Variants in IL21R observed in about 807,000 individuals in gnomAD.
IL21R encodes interleukin 21 receptor, also known as interleukin-21 receptor.
A neutral mutation model predicts 41.3 loss-of-function variants in IL21R; 14 were observed. That is an observed-to-expected ratio of 0.34 (90% CI 0.22 to 0.53). The LOEUF is 0.53. IL21R is among the 20% of genes least tolerant of loss of function. The pLI is 0.94. For missense variants in IL21R, 588 were observed against 681.6 expected, an observed-to-expected ratio of 0.86 and a Z score of 1.53; for synonymous variants, 286 against 287.6, an observed-to-expected ratio of 0.99 and a Z score of 0.05.
chr16:27,420,886 A>C (rs1261667738), intron 1 of IL21R, among the ~76,000 whole-genome samples: 1 of 152,044 alleles, frequency 6.6e-6, no homozygotes, highest in Non-Finnish European at 1.5e-5. Context: ...TTATTGTCTC[A>C]TACAAGGTCA....
At chr16:27,427,259 TAG>T (rs1451915437) in intron 1 of IL21R, 6 of 984,718 alleles carry the variant, frequency 6.1e-6, no homozygotes, top group Non-Finnish European at 7.2e-6. Context: ...GGCAAACCAC[TAG>T]AGGCAGCTCA....
chr16:27,433,758 C>T (rs1216512881), intron 2 of IL21R, among the ~76,000 whole-genome samples: 1 of 152,150 alleles, frequency 6.6e-6, no homozygotes, highest in Non-Finnish European at 1.5e-5. Context: ...GACCTTTATG[C>T]AAAAGTGTCC....
chr16:27,414,530 G>A (rs751597747), intron 1 of IL21R, among the ~76,000 whole-genome samples: 57 of 151,922 alleles, frequency 3.8e-4, no homozygotes, highest in Admixed American at 7.2e-4. Context: ...TCAAGTTTTG[G>A]TATTAAGACT....
chr16:27,443,009 TATA>T lies in IL21R; in HGVS notation c.404_406del (p.Asn135del). Reference sequence around the variant, plus strand: ...CGTGACTGTGACCTTCTCAGGACAGTATAATATCTCCTGGCGCTCAGATTACGA... The same window carrying T: ...CGTGACTGTGACCTTCTCAGGACAGTATATCTCCTGGCGCTCAGATTACGA... On this transcript the variant is annotated inframe_deletion, in exon 5 of 9. Transcript: ENST00000337929. 1 of 1,613,792 alleles carries T rather than the reference TATA, an allele frequency of 6.2e-7. No individual in the cohort carries two copies. Among genetic ancestry groups the T allele is most frequent in the South Asian group, 1.1e-5 (1 of 91,040 alleles).
intron 8 of IL21R, chr16:27,448,319 G>A (rs972089185): frequency 1.3e-5 from 7 of 540,866 alleles, no homozygotes; most frequent in Non-Finnish European, 1.9e-5. Context: ...GCCGGGTGTG[G>A]TGACAGGCGC....
intron 1 of IL21R, among the ~76,000 whole-genome samples, chr16:27,411,549 G>A (rs551291311): frequency 5.0e-4 from 65 of 130,702 alleles, no homozygotes; most frequent in Non-Finnish European, 9.2e-4. Context: ...TGCAACCTCC[G>A]CCTCCCAGGT....
chr16:27,418,728 A>G (rs2086947421), intron 1 of IL21R, among the ~76,000 whole-genome samples: 1 of 152,164 alleles, frequency 6.6e-6, no homozygotes, highest in Admixed American at 6.6e-5. Context: ...ACACTTTTGT[A>G]ATAACAGTTA....
intron 1 of IL21R, among the ~76,000 whole-genome samples, chr16:27,408,836 G>A (rs967828456): frequency 3.3e-5 from 5 of 152,080 alleles, no homozygotes; most frequent in Non-Finnish European, 5.9e-5. Context: ...GAGAATGGCC[G>A]ACTTGAGGAA....
At chr16:27,441,046 CAAAAAAAAAAA>C (rs35321284) in intron 4 of IL21R, among the ~76,000 whole-genome samples, 3 of 68,380 alleles carry the variant, frequency 4.4e-5, no homozygotes, top group East Asian at 1.5e-3. Context: ...GATTCTGTCT[CAAAAAAAAAAA>C]AAAAAAAAAG....
At chr16:27,427,251 C>A in intron 1 of IL21R, 2 of 983,188 alleles carry the variant, frequency 2.0e-6, no homozygotes, top group African/African-American at 1.7e-5. Flanking sequence ...CAGCCTCAGG[C>A]AAACCACTAG....
rs1156790786 is a variant in IL21R at position 27,450,205 on chromosome 16, C to T, written c.*922C>T. On this transcript the variant is annotated 3_prime_UTR_variant, in exon 9 of 9. Coordinates refer to ENST00000337929, the MANE Select transcript of IL21R (RefSeq NM_181078.3). ...TTCCAGGCTTAAAATCAGTCCGTTTCGTCTCTTGGAAACAGCTCCCCACCA... is the reference window on the plus strand; with the variant it reads ...TTCCAGGCTTAAAATCAGTCCGTTTTGTCTCTTGGAAACAGCTCCCCACCA... 1.3e-5 allele frequency: 3 copies of T among 232,858 alleles called. No individual in the cohort carries two copies. The highest frequency in any genetic ancestry group is 1.8e-4 in the South Asian group (1 of 5,532). The allele number at this position is 232,858 out of a possible 1,614,324, so 14.4% of individuals were successfully genotyped here. A position where few individuals can be genotyped will look rare whatever the true frequency, so the allele number is the denominator to read the frequency against.
At chr16:27,430,236 G>A in intron 2 of IL21R, 116 bp downstream of exon 2, 1 of 844,424 alleles carries the variant, frequency 1.2e-6, no homozygotes, top group Non-Finnish European at 1.9e-6. Flanking sequence ...ATTCAGAAAA[G>A]ATGACATCCA....
At chr16:27,425,776 G>T (rs1006146280) in intron 1 of IL21R, among the ~76,000 whole-genome samples, 3 of 152,066 alleles carry the variant, frequency 2.0e-5, no homozygotes, top group Admixed American at 2.0e-4. Flanking sequence ...GGCTGGTCTC[G>T]AACTCCTGAC....
intron 2 of IL21R, among the ~76,000 whole-genome samples, chr16:27,431,073 G>A (rs1401105129): frequency 6.6e-6 from 1 of 152,198 alleles, no homozygotes. Context: ...GGGGCCATGA[G>A]GAGGCGGGAT....
chr16:27,445,418 G>A, intron 7 of IL21R, 142 bp downstream of exon 7: 1 of 658,156 alleles, frequency 1.5e-6, no homozygotes, highest in Non-Finnish European at 2.7e-6. Context: ...CAGCCACCAT[G>A]TGCTGGACAC....
chr16:27,411,246 T>C (rs62032065), intron 1 of IL21R, among the ~76,000 whole-genome samples: 3,174 of 152,142 alleles, frequency 0.021, 49 homozygotes, highest in Non-Finnish European at 0.025. Flanking sequence ...CCACTAAAAG[T>C]GCACAAGGGT....
At chr16:27,434,769 G>T (rs745940937) in intron 3 of IL21R, among the ~76,000 whole-genome samples, 3 of 152,082 alleles carry the variant, frequency 2.0e-5, no homozygotes, top group Non-Finnish European at 4.4e-5. Flanking sequence ...CCCTCACAAT[G>T]ATTACTCCCA....
In IL21R at chr16:27,435,875, T is replaced by C. The variant is rs544476910; in HGVS notation, c.152+1426T>C. ...CCTCCACCTCCTGGGTTCAAGCAAT[T>C]CTCCTGCCTCAACCTCCCAAGTATC... is the stretch of plus-strand genomic sequence containing the variant. On this transcript the variant is annotated intron_variant, in intron 3 of 8. Transcript: ENST00000337929. Among the ~76,000 whole-genome samples the C allele has an allele frequency of 2.7e-3, 416 of 152,168 alleles. 4 individuals are homozygous for C. The highest frequency in any genetic ancestry group is 1.2e-3 in the Non-Finnish European group (85 of 68,008).
intron 2 of IL21R, among the ~76,000 whole-genome samples, chr16:27,433,194 C>T (rs935899640): frequency 3.3e-5 from 5 of 152,146 alleles, no homozygotes; most frequent in Admixed American, 6.5e-5. Flanking sequence ...AGGTCAGGCA[C>T]GATGGCTCAT....
Sources: allele counts gnomAD v4.1 joint callset (sites outside exome capture counted in the v4.1 genomes callset), GRCh38; gene constraint gnomAD v4.1.1; transcripts MANE v1.5; gene names NCBI Gene and HGNC (gene_info 2026-07-23, HGNC 2026-07-21).